Variants in UNC13C observed in about 807,000 individuals in gnomAD.
UNC13C encodes the protein protein unc-13 homolog C.
Under a neutral mutation model 245.4 loss-of-function variants are expected in UNC13C, and 174 were observed. The observed-to-expected ratio is 0.71, with a 90% CI of 0.63 to 0.80. The LOEUF is 0.80. UNC13C is among the 30% of genes least tolerant of loss of function. The pLI is 0.00. For synonymous variants in UNC13C, 992 were observed against 895.1 expected, an observed-to-expected ratio of 1.11 and a Z score of -1.93; for missense variants, 2,829 against 2,602.9, an observed-to-expected ratio of 1.09 and a Z score of -1.89.
chr15:54,000,358 T>C lies in UNC13C; in HGVS notation c.-256-12290T>C, dbSNP rs1264399310. On this transcript the variant is annotated intron_variant, in intron 1 of 32. Coordinates refer to ENST00000260323, the MANE Select transcript of UNC13C (RefSeq NM_001080534.3). ...CTGAAGATAATGACACCTCCCTCCA[T>C]GGCTAAGCATTGTAACTATTCTTGG... Among the ~76,000 whole-genome samples the C allele has an allele frequency of 4.6e-5, 7 of 152,244 alleles. No individual in the cohort carries two copies. In the East Asian group the frequency reaches 7.7e-4, roughly 17 times the overall value.
rs771038386 is a variant in UNC13C, at chr15:54,237,688, C to T, written c.3226C>T (p.Leu1076=). The T allele has an allele frequency of 1.0e-5, 16 of 1,606,634 alleles. No homozygotes were observed. Among genetic ancestry groups the T allele is most frequent in the Non-Finnish European group, 1.2e-5 (14 of 1,175,600 alleles). ...VIRTSLNNEE[L]KMHVFKKTLQ... is the part of the protein sequence containing the mutation. ...TAGGACATCCCTAAATAATGAGGAACTGGTAAGTACTAGATATTGCTCATA... is the reference window on the plus strand; with the variant it reads ...TAGGACATCCCTAAATAATGAGGAATTGGTAAGTACTAGATATTGCTCATA... Residue 1076 remains leucine (L), a splice_region_variant and synonymous_variant, in exon 7 of 33, where the codon CTG becomes TTG. Coordinates refer to ENST00000260323, the MANE Select transcript of UNC13C (RefSeq NM_001080534.3).
At chr15:54,328,496 G>T (rs1406100955) in intron 14 of UNC13C, among the ~76,000 whole-genome samples, 4 of 152,008 alleles carry the variant, frequency 2.6e-5, no homozygotes, top group Non-Finnish European at 5.9e-5. Context: ...ACCTCCCAGG[G>T]GTGCTAAAGA....
chr15:54,097,355 G>A (rs1280395091), intron 2 of UNC13C, among the ~76,000 whole-genome samples: 1 of 151,820 alleles, frequency 6.6e-6, no homozygotes, highest in Non-Finnish European at 1.5e-5. Flanking sequence ...TTTTTTTTCT[G>A]ACAGGAGATA....
At position 54,321,976 on chromosome 15, in the gene UNC13C, G is replaced by C. The variant is rs780996626; in HGVS notation, c.4306G>C (p.Gly1436Arg). 2 of 1,585,380 alleles carry C rather than the reference G, an allele frequency of 1.3e-6. No individual in the cohort carries two copies. The highest frequency in any genetic ancestry group is 4.6e-5 in the East Asian group (2 of 43,784). The change falls in exon 14 of 33, where the codon GGT (glycine) becomes CGT (arginine). Residue 1436 changes from glycine (G) to arginine (R), a missense_variant. Gly to Arg is a moderately radical substitution (Grantham distance 125). Transcript: ENST00000260323. ...SCLSSKYMCPGVPAVMSTLLA... is the reference protein window; with the variant it reads ...SCLSSKYMCPRVPAVMSTLLA... ...TCTGTCTTCTAAATACATGTGCCCCGGTGTCCCTGCCGTCATGAGCACCTT... is the reference window on the plus strand; with the variant it reads ...TCTGTCTTCTAAATACATGTGCCCCCGTGTCCCTGCCGTCATGAGCACCTT...
At position 54,217,201 on chromosome 15, in the gene UNC13C, A is replaced by G. The variant is rs150649442; in HGVS notation, c.3072-17829A>G. Among the ~76,000 whole-genome samples, 1,128 of 151,800 alleles carry G rather than the reference A, an allele frequency of 7.4e-3. 20 individuals are homozygous for G. Among genetic ancestry groups the G allele is most frequent in the African/African-American group, 0.027 (1,098 of 41,268 alleles). Reference sequence around the variant, plus strand: ...GTGTTTTTCAGATATTAGGGTTCATAGAAAAATGAACTTGGTGGAGTCATC... The same window carrying G: ...GTGTTTTTCAGATATTAGGGTTCATGGAAAAATGAACTTGGTGGAGTCATC... On this transcript the variant is annotated intron_variant, in intron 4 of 32. Transcript: ENST00000260323.
At chr15:53,908,293 G>A in the UNC13C span, among the ~76,000 whole-genome samples, 1 of 146,108 alleles carries the variant, frequency 6.8e-6, no homozygotes, top group African/African-American at 2.4e-5. Context: ...TTGCATTTTA[G>A]AAGAAAGACT....
chr15:54,425,911 G>A (rs771951656), intron 19 of UNC13C, among the ~76,000 whole-genome samples: 3 of 151,758 alleles, frequency 2.0e-5, no homozygotes, highest in Non-Finnish European at 2.9e-5. Flanking sequence ...GGAGACTCTA[G>A]GAGAGAATCC....
At chr15:54,077,979 C>A (rs138233320) in intron 2 of UNC13C, among the ~76,000 whole-genome samples, 1 of 152,292 alleles carries the variant, frequency 6.6e-6, no homozygotes, top group Non-Finnish European at 1.5e-5. Flanking sequence ...CCCTCCCAGC[C>A]TCCCCTACAT....
chr15:53,895,880 G>A, the UNC13C span, among the ~76,000 whole-genome samples: 5 of 151,864 alleles, frequency 3.3e-5, no homozygotes, highest in African/African-American at 9.7e-5. Flanking sequence ...AACAAAGATC[G>A]GTCTCTTGTA....
At chr15:53,928,867 T>C in the UNC13C span, among the ~76,000 whole-genome samples, 4 of 152,220 alleles carry the variant, frequency 2.6e-5, no homozygotes, top group African/African-American at 9.6e-5. Context: ...GAGAAGAGCA[T>C]GTTCTTTATG....
At chr15:53,970,513 A>C in the UNC13C span, among the ~76,000 whole-genome samples, 1 of 152,204 alleles carries the variant, frequency 6.6e-6, no homozygotes, top group Non-Finnish European at 1.5e-5. Flanking sequence ...AGTTATGCAA[A>C]TACATCTTTG....
chr15:54,484,735 A>G (rs1893315922), intron 19 of UNC13C, among the ~76,000 whole-genome samples: 1 of 152,154 alleles, frequency 6.6e-6, no homozygotes, highest in South Asian at 2.1e-4. Flanking sequence ...AATCTACCAA[A>G]AAGAGAAATT....
chr15:53,912,082 C>G, the UNC13C span: 1 of 152,178 alleles, frequency 6.6e-6, no homozygotes, highest in Non-Finnish European at 1.5e-5. Context: ...GACCCACATG[C>G]GGATGTGGAT....
intron 26 of UNC13C, among the ~76,000 whole-genome samples, chr15:54,542,305 G>A (rs1298795865): frequency 7.2e-5 from 11 of 152,062 alleles, no homozygotes; most frequent in Admixed American, 6.6e-4. Context: ...GTAGTCATGC[G>A]GTTTTGAGTG....
chr15:54,275,474 T>A (rs912660460), intron 10 of UNC13C, among the ~76,000 whole-genome samples: 4 of 152,200 alleles, frequency 2.6e-5, no homozygotes, highest in Non-Finnish European at 5.9e-5. Flanking sequence ...TTTTTATAAT[T>A]GTATATGATA....
At chr15:54,158,820 A>T (rs1052670162) in intron 4 of UNC13C, among the ~76,000 whole-genome samples, 8 of 151,032 alleles carry the variant, frequency 5.3e-5, no homozygotes, top group South Asian at 2.1e-4. Context: ...CAGCTAATTT[A>T]AAAAAAAAAT....
chr15:54,106,205 T>C (rs1005268558), intron 2 of UNC13C, among the ~76,000 whole-genome samples: 3 of 152,190 alleles, frequency 2.0e-5, no homozygotes, highest in Non-Finnish European at 4.4e-5. Flanking sequence ...TTGTAAGACC[T>C]CATGAGTTGT....
At chr15:54,119,008 G>A (rs1224656349) in intron 2 of UNC13C, among the ~76,000 whole-genome samples, 1 of 149,980 alleles carries the variant, frequency 6.7e-6, no homozygotes, top group Non-Finnish European at 1.5e-5. Context: ...TGATCATGGT[G>A]AATGAGTTTG....
intron 2 of UNC13C, among the ~76,000 whole-genome samples, chr15:54,120,839 C>T (rs1567029538): frequency 6.6e-6 from 1 of 151,928 alleles, no homozygotes. Flanking sequence ...TGTGGTAGAA[C>T]TAAAAAGAGA....
Sources: allele counts gnomAD v4.1 joint callset (sites outside exome capture counted in the v4.1 genomes callset), GRCh38; gene constraint gnomAD v4.1.1; transcripts MANE v1.5; gene names NCBI Gene and HGNC (gene_info 2026-07-23, HGNC 2026-07-21).